The following ANAPC5 variants were observed in gnomAD, a reference collection of about 807,000 sequenced individuals.
ANAPC5 encodes anaphase promoting complex subunit 5.
Under a neutral mutation model 91.3 loss-of-function variants are expected in ANAPC5, and 60 were observed. The observed-to-expected ratio is 0.66, with a 90% CI of 0.53 to 0.81. ANAPC5 has a LOEUF of 0.81. ANAPC5 is among the 40% of genes least tolerant of loss of function. The pLI is 0.00. For missense variants in ANAPC5, 690 were observed against 931.5 expected (o/e 0.74, Z 3.37); for synonymous variants, 340 against 364.1 (o/e 0.93, Z 0.75).
At chr12:121,324,899 G>A (rs782385414) in intron 11 of ANAPC5, among the ~76,000 whole-genome samples, 5 of 152,014 alleles carry the variant, frequency 3.3e-5, no homozygotes, top group African/African-American at 7.2e-5. Flanking sequence ...TAAAAAATAC[G>A]CTGGGTGTGG....
chr12:121,335,459 C>T, intron 7 of ANAPC5, 74 bp downstream of exon 7: 4 of 1,497,272 alleles, frequency 2.7e-6, no homozygotes, highest in Non-Finnish European at 3.6e-6. Context: ...AGCCACCGCA[C>T]CAGGCCAAAC....
At chr12:121,339,762 C>T (rs1299213355) in intron 5 of ANAPC5, among the ~76,000 whole-genome samples, 1 of 152,194 alleles carries the variant, frequency 6.6e-6, no homozygotes, top group Non-Finnish European at 1.5e-5. Context: ...AGCTGCCACG[C>T]CCATCCTGTT....
chr12:121,315,871 T>A (rs1902337080), intron 15 of ANAPC5, among the ~76,000 whole-genome samples: 1 of 152,126 alleles, frequency 6.6e-6, no homozygotes, highest in South Asian at 2.1e-4. Context: ...GAAGAAAATC[T>A]TCATGACATT....
At chr12:121,323,860 G>A (rs1242999571) in intron 11 of ANAPC5, among the ~76,000 whole-genome samples, 3 of 152,128 alleles carry the variant, frequency 2.0e-5, no homozygotes, top group African/African-American at 7.2e-5. Flanking sequence ...TCGGGCATGG[G>A]GATATAGATC....
At chr12:121,319,327 G>T (rs1902507094) in intron 13 of ANAPC5, among the ~76,000 whole-genome samples, 1 of 151,748 alleles carries the variant, frequency 6.6e-6, no homozygotes, top group African/African-American at 2.4e-5. Context: ...CCGCCTCATG[G>T]GTTCAAGCAA....
chr12:121,339,982 T>C (rs1477044562), intron 5 of ANAPC5, among the ~76,000 whole-genome samples: 3 of 147,992 alleles, frequency 2.0e-5, no homozygotes, highest in African/African-American at 7.5e-5. Context: ...GTTCAAGCGA[T>C]TCTCCTGCCT....
chr12:121,324,022 G>A (rs183167864), intron 11 of ANAPC5, among the ~76,000 whole-genome samples: 2 of 152,286 alleles, frequency 1.3e-5, no homozygotes, highest in African/African-American at 2.4e-5. Flanking sequence ...TGGGTTGCAA[G>A]AGGAAGCTCA....
Position 121,310,602 on chromosome 12 carries a change from G to A in ANAPC5, c.1894-739C>T, listed in dbSNP as rs115614545. On this transcript the variant is annotated intron_variant, in intron 15 of 16. Transcript: ENST00000261819. ...AAACATCTACTTAACACACAAGAAA[G>A]CAGTAATGGAGGAACTGAGGGACAA... Among the ~76,000 whole-genome samples, 1,228 of 151,854 alleles carry A rather than the reference G, an allele frequency of 8.1e-3. 11 individuals are homozygous for A. The highest frequency in any genetic ancestry group is 0.028 in the African/African-American group (1,160 of 41,396).
intron 15 of ANAPC5, among the ~76,000 whole-genome samples, chr12:121,313,826 T>C (rs1902257842): frequency 6.6e-6 from 1 of 152,088 alleles, no homozygotes; most frequent in African/African-American, 2.4e-5. Context: ...TTTAAAACAA[T>C]TAACACCAAT....
rs1903207686 is a variant in ANAPC5, at chr12:121,335,703, G to A, written c.780C>T (p.Asn260=). 4.4e-6 allele frequency: 7 copies of A among 1,605,792 alleles called. No individual in the cohort carries two copies. In the Admixed American group the frequency reaches 1.2e-4, roughly 27 times the overall value. Reference sequence around the variant, plus strand: ...TGAAAACATCTTGGACACGGAGGTTGTTTAAGTAGCTGAGATAATGCTAAA... The same window carrying A: ...TGAAAACATCTTGGACACGGAGGTTATTTAAGTAGCTGAGATAATGCTAAA... ...FAEAHYLSYL[N]NLRVQDVFSS... The change falls in exon 7 of 17, where the codon AAC becomes AAT. Residue 260 remains asparagine (N), a synonymous_variant. Transcript: ENST00000261819.
intron 1 of ANAPC5, among the ~76,000 whole-genome samples, chr12:121,351,818 AT>A (rs1555275407): frequency 6.6e-6 from 1 of 151,980 alleles, no homozygotes; most frequent in African/African-American, 2.4e-5. Context: ...TGTATGACTT[AT>A]CCCTGTGTCT....
chr12:121,328,204 A>C, intron 10 of ANAPC5, 112 bp downstream of exon 10: 1 of 952,336 alleles, frequency 1.1e-6, no homozygotes, highest in African/African-American at 1.6e-5. Context: ...CTGCAGGAAC[A>C]ACATCTATCC....
upstream of ANAPC5, among the ~76,000 whole-genome samples, chr12:121,352,712 T>TGGTGGTGGTGGTGGTGG (rs1566202325): frequency 5.0e-5 from 1 of 19,852 alleles, no homozygotes; most frequent in Non-Finnish European, 5.8e-4. Flanking sequence ...TTGTTGGTTG[T>TGGTGGTGGTGGTGGTGG]TGTTGTTGGT....
chr12:121,351,967 G>A (rs1903908552), intron 1 of ANAPC5, among the ~76,000 whole-genome samples, 167 bp downstream of exon 1: 1 of 151,658 alleles, frequency 6.6e-6, no homozygotes, highest in African/African-American at 2.4e-5. Context: ...CACCGTAAAC[G>A]CTCAGTACGT....
chr12:121,317,778 T>TTG (rs1322228883), intron 15 of ANAPC5: 3 of 152,304 alleles, frequency 2.0e-5, no homozygotes, highest in Non-Finnish European at 4.4e-5. Context: ...CACTCATTCA[T>TTG]TGATTAATAT....
chr12:121,335,614 CTT>C lies in ANAPC5; in HGVS notation c.867_868del (p.Ser290Ter). The C allele has an allele frequency of 6.2e-7, 1 of 1,614,148 alleles. No homozygotes were observed. Among genetic ancestry groups the C allele is most frequent in the South Asian group, 1.1e-5 (1 of 91,082 alleles). ...CCGGCCATAGCCCTCTTCCCCATTA[CTT>C]TTGCTTTCGGCTCCGGTAAGAATCA... On this transcript the variant is annotated frameshift_variant, in exon 7 of 17. Coordinates refer to ENST00000261819, the MANE Select transcript of ANAPC5 (RefSeq NM_016237.5). LOFTEE classifies it high-confidence loss of function.
At position 121,342,917 on chromosome 12, in the gene ANAPC5, A is replaced by C. The variant is rs1392862633; in HGVS notation, c.591-848T>G. On this transcript the variant is annotated intron_variant, in intron 4 of 16. Coordinates refer to ENST00000261819, the MANE Select transcript of ANAPC5 (RefSeq NM_016237.5). This position sits in a 1 kb window ranked among gnomAD's most constrained non-coding sequence, Gnocchi z 4.1. The stretch of plus-strand genomic sequence containing the variant: ...ATTTTCCTTTAAAAAAGAACTAAGA[A>C]ATACATGTAAGTACATCCTATAAAA... Among the ~76,000 whole-genome samples, 1 of 152,186 alleles carries C rather than the reference A, an allele frequency of 6.6e-6. No individual in the cohort carries two copies. Among genetic ancestry groups the C allele is most frequent in the Non-Finnish European group, 1.5e-5 (1 of 68,022 alleles).
At chr12:121,313,940 A>T (rs1020262445) in intron 15 of ANAPC5, among the ~76,000 whole-genome samples, 1 of 152,260 alleles carries the variant, frequency 6.6e-6, no homozygotes. Context: ...AGATATCACA[A>T]GAAAACCACA....
chr12:121,346,866 C>G, intron 3 of ANAPC5, 30 bp downstream of exon 3: 5 of 1,407,054 alleles, frequency 3.6e-6, no homozygotes, highest in Non-Finnish European at 3.9e-6. Flanking sequence ...AATGAAAATA[C>G]TCTCTGCTCT....
Sources: gnomAD v4.1 joint callset for allele counts (sites outside exome capture counted in the v4.1 genomes callset) on GRCh38, gnomAD v4.1.1 for gene constraint, Gnocchi (gnomAD v3.1) non-coding constraint, MANE v1.5 for transcripts, NCBI Gene and HGNC (gene_info 2026-07-23, HGNC 2026-07-21) for gene names.